Variants in PDGFC observed in about 807,000 individuals in gnomAD.
PDGFC encodes the protein platelet-derived growth factor C.
A neutral mutation model predicts 35.5 loss-of-function variants in PDGFC; 12 were observed. The observed-to-expected ratio is 0.34, with a 90% CI of 0.22 to 0.55. PDGFC has a LOEUF of 0.55. Among genes scored for constraint, PDGFC ranks in the 20% least tolerant of loss-of-function variants. The pLI is 0.91. For synonymous variants in PDGFC, 159 were observed against 148.8 expected, an observed-to-expected ratio of 1.07 and a Z score of -0.50; for missense variants, 322 against 412.4, an observed-to-expected ratio of 0.78 and a Z score of 1.90.
At chr4:156,888,640 C>T (rs559202584) in intron 1 of PDGFC, among the ~76,000 whole-genome samples, 24 of 152,294 alleles carry the variant, frequency 1.6e-4, no homozygotes, top group African/African-American at 5.8e-4. Flanking sequence ...TCAAAACACT[C>T]AACCTTGCTT....
At chr4:156,934,941 A>G (rs1291190024) in intron 1 of PDGFC, among the ~76,000 whole-genome samples, 1 of 152,056 alleles carries the variant, frequency 6.6e-6, no homozygotes, top group Non-Finnish European at 1.5e-5. Context: ...CTTCTTCTGG[A>G]ATCTGTCCTA....
chr4:156,878,464 A>T (rs1443214147), intron 1 of PDGFC, among the ~76,000 whole-genome samples: 1 of 152,206 alleles, frequency 6.6e-6, no homozygotes, highest in Non-Finnish European at 1.5e-5. Flanking sequence ...AAATAACATA[A>T]TTCCTTTGTT....
At chr4:156,849,390 T>C (rs1481632167) in intron 2 of PDGFC, among the ~76,000 whole-genome samples, 1 of 152,112 alleles carries the variant, frequency 6.6e-6, no homozygotes, top group African/African-American at 2.4e-5. Flanking sequence ...GAAATATTTA[T>C]CTGTAATATA....
At chr4:156,869,630 C>T (rs1311108435) in intron 1 of PDGFC, among the ~76,000 whole-genome samples, 2 of 152,108 alleles carry the variant, frequency 1.3e-5, no homozygotes, top group East Asian at 1.9e-4. Flanking sequence ...ATCAATACTA[C>T]ATTTGTGTAC....
chr4:156,863,050 C>T (rs1392885607), intron 1 of PDGFC, among the ~76,000 whole-genome samples: 1 of 152,134 alleles, frequency 6.6e-6, no homozygotes, highest in Non-Finnish European at 1.5e-5. Flanking sequence ...CCTTCTCATA[C>T]ATAAGTTTTT....
At chr4:156,811,492 T>C (rs1433049599) in intron 2 of PDGFC, among the ~76,000 whole-genome samples, 1 of 152,062 alleles carries the variant, frequency 6.6e-6, no homozygotes, top group Non-Finnish European at 1.5e-5. Context: ...TGTATACGCA[T>C]CTTTCGCACT....
intron 3 of PDGFC, among the ~76,000 whole-genome samples, chr4:156,801,303 G>A (rs1731601633): frequency 6.6e-6 from 1 of 152,084 alleles, no homozygotes; most frequent in African/African-American, 2.4e-5. Flanking sequence ...GAATTTTGGG[G>A]AGGCTGATTT....
intron 3 of PDGFC, among the ~76,000 whole-genome samples, chr4:156,803,340 C>G (rs1731667680): frequency 6.6e-6 from 1 of 152,032 alleles, no homozygotes; most frequent in Non-Finnish European, 1.5e-5. Context: ...GTATATAGTT[C>G]AAGGCTCAGC....
intron 2 of PDGFC, among the ~76,000 whole-genome samples, chr4:156,832,323 C>A (rs1437941101): frequency 2.8e-5 from 4 of 142,036 alleles, no homozygotes; most frequent in Non-Finnish European, 6.0e-5. Flanking sequence ...ATGGCACGAT[C>A]TCGGCTCACC....
At chr4:156,896,280 T>A (rs1401483149) in intron 1 of PDGFC, among the ~76,000 whole-genome samples, 3 of 152,176 alleles carry the variant, frequency 2.0e-5, no homozygotes, top group African/African-American at 7.2e-5. Context: ...GATTAACAAC[T>A]CTCCACCAAT....
At chr4:156,911,426 T>C (rs1313043926) in intron 1 of PDGFC, among the ~76,000 whole-genome samples, 2 of 152,042 alleles carry the variant, frequency 1.3e-5, no homozygotes, top group Non-Finnish European at 2.9e-5. Context: ...CGAGAAGAAA[T>C]AGAGTCATAA....
chr4:156,922,546 C>G (rs756672502), intron 1 of PDGFC, among the ~76,000 whole-genome samples: 2 of 152,136 alleles, frequency 1.3e-5, no homozygotes. Flanking sequence ...GCACAGACCT[C>G]AAAAGACTCA....
intron 4 of PDGFC, among the ~76,000 whole-genome samples, chr4:156,771,860 T>C (rs1188469534): frequency 1.3e-5 from 2 of 152,198 alleles, no homozygotes; most frequent in Non-Finnish European, 2.9e-5. Flanking sequence ...ACAGATATTT[T>C]GAGTGCATTG....
At chr4:156,798,894 T>C (rs770067611) in intron 3 of PDGFC, among the ~76,000 whole-genome samples, 4 of 152,204 alleles carry the variant, frequency 2.6e-5, no homozygotes, top group African/African-American at 4.8e-5. Context: ...AGGCACTTCC[T>C]CTTTAGCAAT....
At chr4:156,767,663 C>T in intron 5 of PDGFC, 110 bp downstream of exon 5, 2 of 669,250 alleles carry the variant, frequency 3.0e-6, no homozygotes, top group Non-Finnish European at 5.2e-6. Context: ...TCTTTTTTTT[C>T]CCCATGAATA....
chr4:156,832,343 G>A lies in PDGFC; in HGVS notation c.314+17878C>T, dbSNP rs550861299. 5.7e-5 allele frequency among the ~76,000 whole-genome samples: 8 copies of A among 141,484 alleles called. No individual in the cohort carries two copies. In the South Asian group the frequency reaches 1.6e-3, roughly 28 times the overall value. The allele number at this position is 141,484 out of a possible 152,430, so 92.8% of individuals were successfully genotyped here. A position where few individuals can be genotyped will look rare whatever the true frequency, so the allele number is the denominator to read the frequency against. On this transcript the variant is annotated intron_variant, in intron 2 of 5. Coordinates refer to ENST00000502773, the MANE Select transcript of PDGFC (RefSeq NM_016205.3). ...ACGATCTCGGCTCACCACAATCTCC[G>A]CCTCTCGGGTTCAAGCGATTCTCCT...
chr4:156,897,348 GTA>G (rs1262578261), intron 1 of PDGFC, among the ~76,000 whole-genome samples: 69 of 115,842 alleles, frequency 6.0e-4, no homozygotes, highest in Middle Eastern at 4.6e-3. Context: ...GTGTGAGAGT[GTA>G]TGTGTGTGTG....
chr4:156,838,886 G>A (rs1380671626), intron 2 of PDGFC, among the ~76,000 whole-genome samples: 5 of 152,138 alleles, frequency 3.3e-5, no homozygotes, highest in Non-Finnish European at 5.9e-5. Context: ...ACAAAGTCCG[G>A]AGGAGTCAAA....
intron 3 of PDGFC, among the ~76,000 whole-genome samples, chr4:156,800,054 C>T (rs994404340): frequency 4.6e-5 from 7 of 152,078 alleles, no homozygotes; most frequent in African/African-American, 9.7e-5. Flanking sequence ...GATCTTTCTC[C>T]TATTTTCCAA....
Sources: allele counts gnomAD v4.1 joint callset (sites outside exome capture counted in the v4.1 genomes callset), GRCh38; gene constraint gnomAD v4.1.1; transcripts MANE v1.5; gene names NCBI Gene and HGNC (gene_info 2026-07-23, HGNC 2026-07-21).